KCTD1: variants seen among roughly 807,000 people sequenced by gnomAD.
The protein encoded by KCTD1 is potassium channel tetramerization domain containing 1, also known as BTB/POZ domain-containing protein KCTD1.
A neutral mutation model predicts 66.0 loss-of-function variants in KCTD1; 24 were observed. That is an observed-to-expected ratio of 0.36 (90% CI 0.26 to 0.51). The LOEUF is 0.51. Among genes scored for constraint, KCTD1 ranks in the 20% least tolerant of loss-of-function variants. The pLI, the probability that KCTD1 is intolerant of heterozygous loss-of-function variation, is 0.95. For synonymous variants in KCTD1, 511 were observed against 517.2 expected, an observed-to-expected ratio of 0.99 and a Z score of 0.16; for missense variants, 943 against 1,205.2, an observed-to-expected ratio of 0.78 and a Z score of 3.22.
intron 1 of KCTD1, among the ~76,000 whole-genome samples, chr18:26,569,023 A>G (rs944844501): frequency 2.0e-5 from 3 of 152,188 alleles, no homozygotes; most frequent in Admixed American, 1.3e-4. Flanking sequence ...TCCCACCTCT[A>G]TTGCATAAGT....
rs1985382585 is a variant in KCTD1, at chr18:26,548,460, T to G, written c.77A>C (p.Glu26Ala). 1.2e-5 allele frequency: 15 copies of G among 1,269,648 alleles called. No individual in the cohort carries two copies. Among genetic ancestry groups the G allele is most frequent in the Non-Finnish European group, 1.4e-5 (14 of 1,015,800 alleles). The allele number at this position is 1,269,648 out of a possible 1,614,324, so 78.6% of individuals were successfully genotyped here. The change falls in exon 1 of 5, where the codon GAG becomes GCG. Residue 26 changes from glutamate to alanine, a missense_variant. Physicochemically the swap from Glu to Ala is moderately radical, Grantham distance 107 (BLOSUM62 -1). Transcript: ENST00000580059. Reference sequence around the variant, plus strand: ...GCCCTCGCCCCGCTCCCCATTGTTCTCGGCGGCGGCGGCGGCAGCGCTGGC... The same window carrying G: ...GCCCTCGCCCCGCTCCCCATTGTTCGCGGCGGCGGCGGCGGCAGCGCTGGC... ...GSASAAAAAA[E>A]NNGERGEGER...
intron 1 of KCTD1, among the ~76,000 whole-genome samples, chr18:26,639,996 T>C (rs184570381): frequency 7.9e-5 from 12 of 152,294 alleles, no homozygotes; most frequent in Non-Finnish European, 1.8e-4. Flanking sequence ...ATTTTGGTAA[T>C]AGCAGGAAGG....
intron 1 of KCTD1, among the ~76,000 whole-genome samples, chr18:26,530,354 A>G (rs544266646): frequency 6.6e-6 from 1 of 152,340 alleles, no homozygotes; most frequent in Admixed American, 6.5e-5. Context: ...CAGAAGAGAT[A>G]TGAGGGTTAC....
At chr18:26,566,768 G>T (rs1985989876) in intron 1 of KCTD1, 1 of 146,572 alleles carries the variant, frequency 6.8e-6, no homozygotes, top group Non-Finnish European at 1.5e-5. Context: ...CACACAACTG[G>T]CATTTCCCCT....
Position 26,468,825 on chromosome 18 carries a change from C to T in KCTD1, c.2133+7690G>A, listed in dbSNP as rs780566278. 3.3e-5 allele frequency among the ~76,000 whole-genome samples: 5 copies of T among 152,052 alleles called. No homozygotes were observed. Among genetic ancestry groups the T allele is most frequent in the Admixed American group, 1.3e-4 (2 of 15,260 alleles). On this transcript the variant is annotated intron_variant, in intron 3 of 4. Coordinates refer to ENST00000580059, the MANE Select transcript of KCTD1 (RefSeq NM_001142730.3). This position sits in a 1 kb window ranked among gnomAD's most constrained non-coding sequence, Gnocchi z 4.8. ...TCGTGCCGCTGCACTCCAGCCTGGGCGACAGAGCAAGACTTTGTCTCAAAG... is the reference window on the plus strand; with the variant it reads ...TCGTGCCGCTGCACTCCAGCCTGGGTGACAGAGCAAGACTTTGTCTCAAAG...
intron 1 of KCTD1, among the ~76,000 whole-genome samples, chr18:26,580,874 A>G (rs890710338): frequency 2.6e-5 from 4 of 152,242 alleles, no homozygotes; most frequent in African/African-American, 9.6e-5. Context: ...ATAAAGTTTT[A>G]CTGGAACACA....
chr18:26,647,103 A>G (rs1169821351), intron 1 of KCTD1, among the ~76,000 whole-genome samples: 3 of 152,202 alleles, frequency 2.0e-5, no homozygotes, highest in Non-Finnish European at 2.9e-5. Flanking sequence ...TGTTTTTCCT[A>G]TAGAAAACCA....
At chr18:26,600,106 GCTT>G in intron 1 of KCTD1, 1 of 1,610,648 alleles carries the variant, frequency 6.2e-7, no homozygotes, top group South Asian at 1.1e-5. Flanking sequence ...CCTGCAGGCT[GCTT>G]CTTGTGGGGA....
intron 1 of KCTD1, among the ~76,000 whole-genome samples, chr18:26,527,533 G>A (rs969345843): frequency 6.6e-6 from 1 of 151,056 alleles, no homozygotes; most frequent in Non-Finnish European, 1.5e-5. Flanking sequence ...GGAACATAGA[G>A]GACTTTTAGG....
At chr18:26,634,857 A>G (rs1307170203) in intron 1 of KCTD1, among the ~76,000 whole-genome samples, 1 of 152,240 alleles carries the variant, frequency 6.6e-6, no homozygotes, top group African/African-American at 2.4e-5. Flanking sequence ...GAATGCGGGC[A>G]GTCTAACTCC....
chr18:26,463,195 C>T (rs117123553), intron 3 of KCTD1, among the ~76,000 whole-genome samples: 2 of 152,330 alleles, frequency 1.3e-5, no homozygotes, highest in Non-Finnish European at 2.9e-5. Flanking sequence ...GTGGCTCACA[C>T]CTGTAATTCC....
chr18:26,530,448 G>T (rs983639227), intron 1 of KCTD1, among the ~76,000 whole-genome samples: 34 of 152,326 alleles, frequency 2.2e-4, no homozygotes, highest in African/African-American at 7.9e-4. Context: ...AAACACGGAA[G>T]AGGCTGAAAG....
chr18:26,605,317 T>C (rs998252463), intron 1 of KCTD1, among the ~76,000 whole-genome samples: 10 of 152,188 alleles, frequency 6.6e-5, no homozygotes, highest in African/African-American at 2.4e-4. Flanking sequence ...ACATTCGACC[T>C]GGCAATTTTG....
At chr18:26,625,087 C>T (rs1987470062) in intron 1 of KCTD1, among the ~76,000 whole-genome samples, 1 of 152,162 alleles carries the variant, frequency 6.6e-6, no homozygotes. Context: ...TTTCCCAATG[C>T]CTGTACCCTC....
chr18:26,459,595 C>T, intron 4 of KCTD1, 25 bp downstream of exon 4: 1 of 1,545,080 alleles, frequency 6.5e-7, no homozygotes. Flanking sequence ...CATTTGATGC[C>T]ACACAGTGCG....
intron 1 of KCTD1, among the ~76,000 whole-genome samples, chr18:26,588,278 AAAAG>A (rs980257349): frequency 7.9e-6 from 1 of 126,288 alleles, no homozygotes; most frequent in Non-Finnish European, 1.7e-5. Flanking sequence ...CTGTAGAAAG[AAAAG>A]AAAGAAAGAG....
intron 1 of KCTD1, among the ~76,000 whole-genome samples, chr18:26,589,050 C>A (rs912824503): frequency 1.3e-5 from 2 of 152,158 alleles, no homozygotes; most frequent in African/African-American, 4.8e-5. Flanking sequence ...TCTAAGGATC[C>A]CTCTCCTAGG....
At chr18:26,656,502 C>G (rs917248214) in intron 1 of KCTD1, among the ~76,000 whole-genome samples, 17 of 151,478 alleles carry the variant, frequency 1.1e-4, no homozygotes, top group African/African-American at 4.1e-4. Context: ...TTAAAGGCGC[C>G]TGGGTGGGCG....
intron 1 of KCTD1, among the ~76,000 whole-genome samples, chr18:26,567,690 T>C (rs534589191): frequency 6.6e-6 from 1 of 152,162 alleles, no homozygotes; most frequent in East Asian, 1.9e-4. Context: ...GGTTTCACCA[T>C]GTTGGCCAGG....
Sources: allele counts gnomAD v4.1 joint callset (sites outside exome capture counted in the v4.1 genomes callset), GRCh38; gene constraint gnomAD v4.1.1; non-coding constraint Gnocchi (gnomAD v3.1); transcripts MANE v1.5; gene names NCBI Gene and HGNC (gene_info 2026-07-23, HGNC 2026-07-21).